Variants in EHMT2 observed in about 807,000 individuals in gnomAD.
EHMT2 encodes histone-lysine N-methyltransferase EHMT2.
EHMT2 carries 59 observed loss-of-function variants against 143.3 expected under a neutral mutation model. The ratio of observed to expected loss-of-function variants is 0.41; its 90% CI spans 0.33 to 0.51. EHMT2 has a LOEUF of 0.51. Among genes scored for constraint, EHMT2 ranks in the 20% least tolerant of loss-of-function variants. The pLI, the probability that EHMT2 is intolerant of heterozygous loss-of-function variation, is 0.18. For missense variants in EHMT2, 1,174 were observed against 1,645.9 expected (o/e 0.71, Z 4.96); for synonymous variants, 604 against 651.5 (o/e 0.93, Z 1.11).
In EHMT2 at chr6:31,896,836, G is replaced by A. The variant is rs746319204; in HGVS notation, c.110-12C>T. The A allele has an allele frequency of 2.5e-6, 4 of 1,612,680 alleles. No homozygotes were observed. The highest frequency in any genetic ancestry group is 2.7e-5 in the African/African-American group (2 of 74,936). ...CAAAGAGCCATGAACTGTAGAGGAAGAGAAAAAGTTCAGAGCTAAGGGCTC... is the reference window on the plus strand; with the variant it reads ...CAAAGAGCCATGAACTGTAGAGGAAAAGAAAAAGTTCAGAGCTAAGGGCTC... On this transcript the variant is annotated splice_polypyrimidine_tract_variant and intron_variant, in intron 2 of 27. Transcript: ENST00000375537.
In EHMT2 at chr6:31,880,189, C is replaced by T; in HGVS notation, c.3528G>A (p.Lys1176=). ...CCAGGGCAATGGCTTCGGCTGAGTGCTTGCACTTCTCAGAGCCACATTGGC... is the reference window on the plus strand; with the variant it reads ...CCAGGGCAATGGCTTCGGCTGAGTGTTTGCACTTCTCAGAGCCACATTGGC... Residue 1176 remains lysine, a synonymous_variant, in exon 28 of 28, where the codon AAG becomes AAA. Coordinates refer to ENST00000375537, the Ensembl canonical transcript of EHMT2. This position sits in a 1 kb window ranked among gnomAD's most constrained non-coding sequence, Gnocchi z 6.6. The T allele has an allele frequency of 1.9e-6, 3 of 1,613,064 alleles. No homozygotes were observed. The South Asian group carries it at 3.3e-5, about 18-fold the overall frequency.
At chr6:31,887,943 A>C in exon 14 of EHMT2, 2 of 1,597,166 alleles carry the variant, frequency 1.3e-6, no homozygotes, top group Non-Finnish European at 1.7e-6. Flanking sequence ...GGGGTTCCCC[A>C]TGCCCTCGCA....
intron 4 of EHMT2, chr6:31,893,160 G>C: frequency 1.9e-6 from 1 of 537,392 alleles, no homozygotes; most frequent in Non-Finnish European, 3.3e-6. Context: ...AGAAAACAAA[G>C]CTTAATAAAG....
intron 1 of EHMT2, 153 bp from the exon 2 acceptor site, chr6:31,897,142 G>A: frequency 7.3e-7 from 1 of 1,377,320 alleles, no homozygotes; most frequent in South Asian, 1.8e-5. Context: ...CTGCCCGGAG[G>A]GGCCGCACGA....
At chr6:31,890,753 T>C (rs34929649) in intron 7 of EHMT2, among the ~76,000 whole-genome samples, 45,780 of 148,122 alleles carry the variant, frequency 0.31, 9,011 homozygotes, top group East Asian at 0.54. Flanking sequence ...TAATCCCAGC[T>C]ACTTGGGAGA....
Position 31,884,445 on chromosome 6 carries a change from C to T in EHMT2, c.2718G>A (p.Lys906=). 3.1e-6 allele frequency: 5 copies of T among 1,612,934 alleles called. No homozygotes were observed. Among genetic ancestry groups the T allele is most frequent in the South Asian group, 1.1e-5 (1 of 91,090 alleles). ...CCCGATTTCCCACCCCAAGTCGGAGCTTGCGGTTGAGTTGAAGCGCAAACC... is the reference window on the plus strand; with the variant it reads ...CCCGATTTCCCACCCCAAGTCGGAGTTTGCGGTTGAGTTGAAGCGCAAACC... The change falls in exon 21 of 28, where the codon AAG becomes AAA. Residue 906 remains lysine, a synonymous_variant. Transcript: ENST00000375537. This position sits in a 1 kb window ranked among gnomAD's most constrained non-coding sequence, Gnocchi z 7.3.
chr6:31,895,440 G>A (rs1286578252), intron 4 of EHMT2: 1 of 150,582 alleles, frequency 6.6e-6, no homozygotes, highest in African/African-American at 2.5e-5. Flanking sequence ...TACGCAGTGT[G>A]CCCAGAGTCA....
chr6:31,880,051 A>AT lies in EHMT2; in HGVS notation c.*32dup. The AT allele has an allele frequency of 1.3e-6, 2 of 1,597,088 alleles. No homozygotes were observed. Among genetic ancestry groups the AT allele is most frequent in the Non-Finnish European group, 1.7e-6 (2 of 1,169,032 alleles). On this transcript the variant is annotated 3_prime_UTR_variant, in exon 28 of 28. Transcript: ENST00000375537. The surrounding 1 kb of genome is among the most constrained non-coding windows in gnomAD (Gnocchi z 6.6). ...CAGAGGAGGCGGCTGAGCTGTGGCC[A>AT]TCCATGCTGGGGAGAGAGGGTGTGG... is the stretch of plus-strand genomic sequence containing the variant.
exon 1 of EHMT2, chr6:31,897,673 G>A: frequency 3.5e-6 from 4 of 1,137,916 alleles, no homozygotes; most frequent in Non-Finnish European, 3.3e-6. Flanking sequence ...CGCCGCCGCC[G>A]CCATCGCCGC....
In EHMT2 at chr6:31,886,940, A is replaced by G. The variant is rs759037714; in HGVS notation, c.2119-43T>C. 4 of 1,613,760 alleles carry G rather than the reference A, an allele frequency of 2.5e-6. No homozygotes were observed. In the Admixed American group the frequency reaches 6.7e-5, roughly 27 times the overall value. On this transcript the variant is annotated intron_variant, in intron 16 of 27. Transcript: ENST00000375537. ...GGCTGGCACCAGGGAGGCATGGGGC[A>G]GGGGAGGGGCCTAAGGGCCTGGTGA...
chr6:31,889,723 G>A lies in EHMT2; in HGVS notation c.865-121C>T. The A allele has an allele frequency of 3.1e-6, 4 of 1,281,060 alleles. No homozygotes were observed. The highest frequency in any genetic ancestry group is 1.2e-5 in the South Asian group (1 of 81,056). 79.4% of individuals were successfully genotyped at this position (1,281,060 alleles called of 1,614,324 possible). ...CCACGGATGGCTGCTGGGGATAAGT[G>A]TGGGTAGCAGAGGAGACAAAGGGCC... On this transcript the variant is annotated intron_variant, in intron 7 of 27. Transcript: ENST00000375537. The surrounding 1 kb of genome is among the most constrained non-coding windows in gnomAD (Gnocchi z 5.1).
rs1764388540 is a variant in EHMT2, at chr6:31,883,486, G to T, written c.2917-47C>A. 1.3e-6 allele frequency: 2 copies of T among 1,575,728 alleles called. No individual in the cohort carries two copies. Among genetic ancestry groups the T allele is most frequent in the Middle Eastern group, 1.7e-4 (1 of 6,028 alleles). Reference sequence around the variant, plus strand: ...CAGCTCAACCCCATGATCGGTCTGGGCCCCTCTACTCTTGATGCCCCCTGA... The same window carrying T: ...CAGCTCAACCCCATGATCGGTCTGGTCCCCTCTACTCTTGATGCCCCCTGA... On this transcript the variant is annotated intron_variant, in intron 22 of 27. Coordinates refer to ENST00000375537, the Ensembl canonical transcript of EHMT2. This position sits in a 1 kb window ranked among gnomAD's most constrained non-coding sequence, Gnocchi z 5.6.
Position 31,889,087 on chromosome 6 carries a change from G to A in EHMT2, c.1115-17C>T, listed in dbSNP as rs771134749. ...CATTCACTCCTGACACAGAGACAGA[G>A]AGAGTGAGAGTGCGAGCTCACAGGT... is the stretch of plus-strand genomic sequence containing the variant. On this transcript the variant is annotated splice_polypyrimidine_tract_variant and intron_variant, in intron 9 of 27. Transcript: ENST00000375537. The surrounding 1 kb of genome is among the most constrained non-coding windows in gnomAD (Gnocchi z 5.1). 22 of 1,589,596 alleles carry A rather than the reference G, an allele frequency of 1.4e-5. No individual in the cohort carries two copies. The highest frequency in any genetic ancestry group is 2.7e-5 in the African/African-American group (2 of 74,702).
chr6:31,885,189 C>T (rs1764668443), intron 18 of EHMT2, 173 bp from the exon 19 acceptor site: 3 of 900,274 alleles, frequency 3.3e-6, no homozygotes, highest in South Asian at 1.9e-5. Context: ...AAAAATGGGA[C>T]TAGTAGGGTC....
At position 31,880,856 on chromosome 6, in the gene EHMT2, A is replaced by G. The variant is rs776523657; in HGVS notation, c.3277-8T>C. 1 of 1,613,352 alleles carries G rather than the reference A, an allele frequency of 6.2e-7. No individual in the cohort carries two copies. The highest frequency in any genetic ancestry group is 1.1e-5 in the South Asian group (1 of 91,058). ...GCAGTACACCTCTCCATCCTGGGGC[A>G]GGGGGATGGCACTCTTCACATCTCC... On this transcript the variant is annotated splice_region_variant and splice_polypyrimidine_tract_variant and intron_variant, in intron 26 of 27. Transcript: ENST00000375537. This position sits in a 1 kb window ranked among gnomAD's most constrained non-coding sequence, Gnocchi z 6.6.
At chr6:31,886,720 A>T (rs762741247) in intron 17 of EHMT2, 38 bp from the exon 18 acceptor site, 1 of 1,613,688 alleles carries the variant, frequency 6.2e-7, no homozygotes, top group Middle Eastern at 1.7e-4. Flanking sequence ...TTGGGCTGGC[A>T]CCCCAAACCT....
Position 31,886,914 on chromosome 6 carries a change from G to C in EHMT2, c.2119-17C>G, listed in dbSNP as rs202178575. 1 of 1,613,918 alleles carries C rather than the reference G, an allele frequency of 6.2e-7. No individual in the cohort carries two copies. Among genetic ancestry groups the C allele is most frequent in the Admixed American group, 1.7e-5 (1 of 60,012 alleles). On this transcript the variant is annotated splice_polypyrimidine_tract_variant and intron_variant, in intron 16 of 27. Transcript: ENST00000375537. The stretch of plus-strand genomic sequence containing the variant: ...GGCTCCAGCCTGTGAGGGGGCAGGA[G>C]GGCTGGCACCAGGGAGGCATGGGGC...
In EHMT2 at chr6:31,888,548, G is replaced by A; in HGVS notation, c.1366-42C>T. The A allele has an allele frequency of 6.2e-7, 1 of 1,609,578 alleles. No individual in the cohort carries two copies. Among genetic ancestry groups the A allele is most frequent in the Non-Finnish European group, 8.5e-7 (1 of 1,178,552 alleles). On this transcript the variant is annotated intron_variant, in intron 11 of 27. Coordinates refer to ENST00000375537, the Ensembl canonical transcript of EHMT2. The surrounding 1 kb of genome is among the most constrained non-coding windows in gnomAD (Gnocchi z 7.4). ...TGGGTGAGAAGAGAGCGTGAGGCTGGGGCCGGGGACTGGACGCCCTGGCAC... is the reference window on the plus strand; with the variant it reads ...TGGGTGAGAAGAGAGCGTGAGGCTGAGGCCGGGGACTGGACGCCCTGGCAC...
rs755624301 is a variant in EHMT2 at position 31,888,287 on chromosome 6, G to T, written c.1510-11C>A. 1 of 1,612,610 alleles carries T rather than the reference G, an allele frequency of 6.2e-7. No homozygotes were observed. Among genetic ancestry groups the T allele is most frequent in the South Asian group, 1.1e-5 (1 of 91,052 alleles). On this transcript the variant is annotated splice_polypyrimidine_tract_variant and intron_variant, in intron 12 of 27. Transcript: ENST00000375537. The surrounding 1 kb of genome is among the most constrained non-coding windows in gnomAD (Gnocchi z 7.4). ...CTCCAGGAAGGTGCCCTGGGAGCAGGGAAACGACATGGTCAGGTTACTGGG... is the reference window on the plus strand; with the variant it reads ...CTCCAGGAAGGTGCCCTGGGAGCAGTGAAACGACATGGTCAGGTTACTGGG...
Sources: gnomAD v4.1 joint callset for allele counts (sites outside exome capture counted in the v4.1 genomes callset) on GRCh38, gnomAD v4.1.1 for gene constraint, Gnocchi (gnomAD v3.1) non-coding constraint, MANE v1.5 for transcripts, NCBI Gene and HGNC (gene_info 2026-07-23, HGNC 2026-07-21) for gene names.